Variants in GNB1 observed in about 807,000 individuals in gnomAD.
GNB1 encodes the protein guanine nucleotide-binding protein G(I)/G(S)/G(T) subunit beta-1.
Under a neutral mutation model 42.9 loss-of-function variants are expected in GNB1, and 2 were observed. That is an observed-to-expected ratio of 0.05 (90% CI 0.02 to 0.15). GNB1 has a LOEUF of 0.15. Ranked by LOEUF, GNB1 falls within the 10% of genes least tolerant of loss-of-function variation. GNB1 has a pLI of 1.00. For synonymous variants in GNB1, 183 were observed against 174.7 expected, an observed-to-expected ratio of 1.05 and a Z score of -0.38; for missense variants, 193 against 462.2, an observed-to-expected ratio of 0.42 and a Z score of 5.34.
At chr1:1,844,092 G>T (rs1025581435) in intron 1 of GNB1, among the ~76,000 whole-genome samples, 1 of 152,088 alleles carries the variant, frequency 6.6e-6, no homozygotes, top group African/African-American at 2.4e-5. Flanking sequence ...CTACTTGGGA[G>T]GGTGAGGCAG....
chr1:1,792,019 G>A (rs1421866259), intron 8 of GNB1, among the ~76,000 whole-genome samples: 1 of 151,726 alleles, frequency 6.6e-6, no homozygotes, highest in Non-Finnish European at 1.5e-5. Flanking sequence ...CTGTGCCCTG[G>A]GCTGGGCACA....
chr1:1,871,811 T>C (rs1649265858), intron 1 of GNB1, among the ~76,000 whole-genome samples: 2 of 152,104 alleles, frequency 1.3e-5, no homozygotes, highest in South Asian at 2.1e-4. Flanking sequence ...GCCTCCTTCC[T>C]TTCCCTACTC....
intron 1 of GNB1, among the ~76,000 whole-genome samples, chr1:1,845,848 C>G (rs936784165): frequency 3.1e-3 from 256 of 83,222 alleles, no homozygotes; most frequent in African/African-American, 0.011. Context: ...CACACACACA[C>G]ACACACACAC....
chr1:1,841,067 T>C (rs1337018596), intron 1 of GNB1, among the ~76,000 whole-genome samples: 2 of 151,738 alleles, frequency 1.3e-5, no homozygotes, highest in Non-Finnish European at 2.9e-5. Flanking sequence ...AATTTTTATA[T>C]TTTTAGTAGA....
intron 3 of GNB1, among the ~76,000 whole-genome samples, chr1:1,820,486 A>C (rs1468463842): frequency 6.6e-6 from 1 of 152,092 alleles, no homozygotes. Flanking sequence ...GACACACACA[A>C]AAAAATCGAG....
chr1:1,825,369 A>T, intron 3 of GNB1, 28 bp downstream of exon 3: 2 of 1,548,074 alleles, frequency 1.3e-6, no homozygotes, highest in Middle Eastern at 1.7e-4. Context: ...CAAATGATTA[A>T]TAAAACCAAG....
chr1:1,800,407 T>C (rs1646608000), intron 7 of GNB1, among the ~76,000 whole-genome samples: 2 of 152,192 alleles, frequency 1.3e-5, no homozygotes, highest in African/African-American at 2.4e-5. Flanking sequence ...CTGGATAGCC[T>C]TAGTTTATCA....
intron 7 of GNB1, 134 bp downstream of exon 7, chr1:1,804,285 C>A (rs549065149): frequency 1.3e-5 from 8 of 621,148 alleles, no homozygotes; most frequent in South Asian, 4.0e-5. Context: ...GGTGACAGAG[C>A]GAGACTCCGC....
intron 1 of GNB1, among the ~76,000 whole-genome samples, chr1:1,861,408 G>A (rs931175563): frequency 5.3e-5 from 8 of 151,320 alleles, no homozygotes; most frequent in Admixed American, 1.3e-4. Flanking sequence ...TGATCCCACC[G>A]CTGCACTCCA....
chr1:1,786,370 T>A lies in GNB1; in HGVS notation c.*693A>T. The A allele has an allele frequency of 3.4e-6, 1 of 297,504 alleles. No homozygotes were observed. The highest frequency in any genetic ancestry group is 5.2e-5 in the East Asian group (1 of 19,342). 18.4% of individuals were successfully genotyped at this position (297,504 alleles called of 1,614,324 possible). A position where few individuals can be genotyped will look rare whatever the true frequency, so the allele number is the denominator to read the frequency against. Reference sequence around the variant, plus strand: ...GGTGAAGGATTCTCTGATCACGCATTTGAGACCGTCCCCGCATGTGCTTGG... The same window carrying A: ...GGTGAAGGATTCTCTGATCACGCATATGAGACCGTCCCCGCATGTGCTTGG... On this transcript the variant is annotated 3_prime_UTR_variant, in exon 12 of 12. Transcript: ENST00000378609.
At chr1:1,884,046 ACCT>A (rs1057337042) in intron 1 of GNB1, among the ~76,000 whole-genome samples, 5 of 150,502 alleles carry the variant, frequency 3.3e-5, no homozygotes, top group Non-Finnish European at 7.4e-5. Context: ...GCTCACCGCA[ACCT>A]CCGCCTCCCA....
chr1:1,785,885 G>A lies in GNB1; in HGVS notation c.*1178C>T, dbSNP rs543005445. The A allele has an allele frequency of 4.8e-5, 19 of 396,800 alleles. No individual in the cohort carries two copies. Among genetic ancestry groups the A allele is most frequent in the African/African-American group, 1.9e-4 (9 of 48,116 alleles). The allele number at this position is 396,800 out of a possible 1,614,324, so 24.6% of individuals were successfully genotyped here. On this transcript the variant is annotated 3_prime_UTR_variant, in exon 12 of 12. Coordinates refer to ENST00000378609, the MANE Select transcript of GNB1 (RefSeq NM_002074.5). Reference sequence around the variant, plus strand: ...TAGAGCCGCGCGCTGTACTGCTTCCGATATGTGCCACAGAGCAGCAACGAG... The same window carrying A: ...TAGAGCCGCGCGCTGTACTGCTTCCAATATGTGCCACAGAGCAGCAACGAG...
At chr1:1,887,906 C>T (rs1283420585) in intron 1 of GNB1, among the ~76,000 whole-genome samples, 2 of 152,238 alleles carry the variant, frequency 1.3e-5, no homozygotes, top group African/African-American at 4.8e-5. Context: ...TGAGCCACCA[C>T]ACCCAGTGGG....
intron 1 of GNB1, among the ~76,000 whole-genome samples, chr1:1,843,775 C>G (rs1425315411): frequency 2.0e-5 from 3 of 152,126 alleles, no homozygotes; most frequent in Non-Finnish European, 4.4e-5. Context: ...TAGCACTACC[C>G]TTAAAGAACA....
At chr1:1,811,147 G>A (rs1020046297) in intron 5 of GNB1, among the ~76,000 whole-genome samples, 1 of 150,092 alleles carries the variant, frequency 6.7e-6, no homozygotes, top group African/African-American at 2.5e-5. Flanking sequence ...GTGCAGTGGT[G>A]TGATCTTGGC....
intron 6 of GNB1, among the ~76,000 whole-genome samples, chr1:1,804,960 G>A (rs920172099): frequency 2.0e-5 from 3 of 151,970 alleles, no homozygotes; most frequent in Non-Finnish European, 2.9e-5. Context: ...AGGAGTTCAA[G>A]ACCAGCTTAG....
At chr1:1,820,628 TG>T (rs1000600998) in intron 3 of GNB1, among the ~76,000 whole-genome samples, 1 of 152,174 alleles carries the variant, frequency 6.6e-6, no homozygotes, top group Non-Finnish European at 1.5e-5. Flanking sequence ...CTATTCTTGT[TG>T]ATGTTACAGC....
intron 6 of GNB1, among the ~76,000 whole-genome samples, chr1:1,804,881 C>T (rs1048795842): frequency 1.3e-5 from 2 of 151,966 alleles, no homozygotes; most frequent in African/African-American, 4.8e-5. Flanking sequence ...CACATTAGGC[C>T]GGGTGCGGTC....
At chr1:1,811,703 G>A (rs1461496920) in intron 5 of GNB1, among the ~76,000 whole-genome samples, 1 of 148,368 alleles carries the variant, frequency 6.7e-6, no homozygotes, top group Non-Finnish European at 1.5e-5. Flanking sequence ...CAAAAAAACA[G>A]AAAGACAAAT....
Sources: gnomAD v4.1 joint callset for allele counts (sites outside exome capture counted in the v4.1 genomes callset) on GRCh38, gnomAD v4.1.1 for gene constraint, MANE v1.5 for transcripts, NCBI Gene and HGNC (gene_info 2026-07-23, HGNC 2026-07-21) for gene names.